Variants in ANO6 observed in about 807,000 individuals in gnomAD.
The protein encoded by ANO6 is anoctamin 6.
A neutral mutation model predicts 117.5 loss-of-function variants in ANO6; 106 were observed. The observed-to-expected ratio is 0.90, with a 90% CI of 0.77 to 1.06. The LOEUF is 1.06. ANO6 is among the 50% of genes least tolerant of loss of function. The pLI is 0.00. For missense variants in ANO6, 955 were observed against 1,121.1 expected (o/e 0.85, Z 2.12); for synonymous variants, 367 against 385.1 (o/e 0.95, Z 0.55).
intron 1 of ANO6, among the ~76,000 whole-genome samples, chr12:45,234,283 C>T (rs1056491205): frequency 6.6e-6 from 1 of 152,148 alleles, no homozygotes; most frequent in Non-Finnish European, 1.5e-5. Flanking sequence ...GATTATTGCA[C>T]TGATGAGTTT....
In ANO6 at chr12:45,228,577, A is replaced by C. The variant is rs145079401; in HGVS notation, c.70+12186A>C. On this transcript the variant is annotated intron_variant, in intron 1 of 19. Coordinates refer to ENST00000320560, the MANE Select transcript of ANO6 (RefSeq NM_001025356.3). ...TTAGAATATCACAGGAGAACAGAGG[A>C]GGGAAGATTAATAGTGAGAATCTCG... Among the ~76,000 whole-genome samples the C allele has an allele frequency of 4.3e-3, 651 of 152,188 alleles. 5 individuals carry two copies. Among genetic ancestry groups the C allele is most frequent in the African/African-American group, 0.015 (618 of 41,530 alleles).
At chr12:45,407,763 C>T (rs1335761270) in intron 15 of ANO6, among the ~76,000 whole-genome samples, 3 of 152,150 alleles carry the variant, frequency 2.0e-5, no homozygotes, top group Non-Finnish European at 4.4e-5. Context: ...CGTGCTACAT[C>T]CGTTACCTAT....
intron 10 of ANO6, among the ~76,000 whole-genome samples, chr12:45,386,160 T>G (rs1204016855): frequency 6.6e-6 from 1 of 152,202 alleles, no homozygotes; most frequent in Non-Finnish European, 1.5e-5. Context: ...GGGCTCAGTA[T>G]TTTGTAAAAG....
intron 1 of ANO6, among the ~76,000 whole-genome samples, chr12:45,281,771 A>G (rs565870815): frequency 6.6e-6 from 1 of 152,370 alleles, no homozygotes; most frequent in Admixed American, 6.5e-5. Flanking sequence ...TCTGTTTGTT[A>G]TCTTAAATTT....
chr12:45,402,480 C>G (rs1004677546), intron 13 of ANO6, among the ~76,000 whole-genome samples: 1 of 152,194 alleles, frequency 6.6e-6, no homozygotes, highest in Non-Finnish European at 1.5e-5. Flanking sequence ...TGTTTCTTCT[C>G]TCTGGCTTGT....
intron 2 of ANO6, among the ~76,000 whole-genome samples, chr12:45,315,974 C>T (rs1940010223): frequency 1.3e-5 from 2 of 152,064 alleles, no homozygotes; most frequent in African/African-American, 4.8e-5. Context: ...TCCCTGGACT[C>T]ATAGTCTTCC....
intron 15 of ANO6, 42 bp downstream of exon 15, chr12:45,403,578 A>G: frequency 6.6e-7 from 1 of 1,516,398 alleles, no homozygotes; most frequent in African/African-American, 1.4e-5. Flanking sequence ...AGGACAAGGG[A>G]TAGAACAGCC....
intron 16 of ANO6, among the ~76,000 whole-genome samples, chr12:45,416,137 A>G (rs1943206529): frequency 1.3e-5 from 2 of 152,164 alleles, no homozygotes; most frequent in Non-Finnish European, 2.9e-5. Flanking sequence ...TTTATCACAT[A>G]TATTTCTGTG....
rs1943601411 is a variant in ANO6, at chr12:45,430,241, A to G, written c.*930A>G. 1.0e-6 allele frequency: 1 copy of G among 985,428 alleles called. No individual in the cohort carries two copies. Among genetic ancestry groups the G allele is most frequent in the Non-Finnish European group, 1.2e-6 (1 of 829,932 alleles). 61.0% of individuals were successfully genotyped at this position (985,428 alleles called of 1,614,324 possible). A position where few individuals can be genotyped will look rare whatever the true frequency, so the allele number is the denominator to read the frequency against. On this transcript the variant is annotated 3_prime_UTR_variant, in exon 20 of 20. Transcript: ENST00000320560. ...AAGATAAGCCCCTCAATTTTCTACC[A>G]GTTGACTTTTATTCATTAGATACAG...
At chr12:45,332,131 C>A (rs1370502642) in intron 3 of ANO6, among the ~76,000 whole-genome samples, 1 of 152,032 alleles carries the variant, frequency 6.6e-6, no homozygotes, top group Admixed American at 6.6e-5. Context: ...GGTTTATAAA[C>A]AACTCCCTGG....
chr12:45,325,841 C>T (rs959204838), intron 2 of ANO6, among the ~76,000 whole-genome samples: 4 of 152,040 alleles, frequency 2.6e-5, no homozygotes, highest in South Asian at 2.1e-4. Context: ...TGTGGGTTTA[C>T]GAAAAAGATT....
At chr12:45,387,820 C>G (rs1942338497) in intron 10 of ANO6, among the ~76,000 whole-genome samples, 1 of 152,026 alleles carries the variant, frequency 6.6e-6, no homozygotes, top group Non-Finnish European at 1.5e-5. Flanking sequence ...GTTGGATTTC[C>G]CCCATCCTGT....
At chr12:45,260,935 G>A (rs913726452) in intron 1 of ANO6, among the ~76,000 whole-genome samples, 2 of 151,970 alleles carry the variant, frequency 1.3e-5, no homozygotes, top group African/African-American at 4.8e-5. Flanking sequence ...CTGCAAGCAT[G>A]TGCCACCGCA....
chr12:45,325,602 A>G (rs1417052059), intron 2 of ANO6, among the ~76,000 whole-genome samples: 1 of 152,186 alleles, frequency 6.6e-6, no homozygotes, highest in Non-Finnish European at 1.5e-5. Context: ...AGAACAGTGC[A>G]AATGGATGAT....
intron 1 of ANO6, among the ~76,000 whole-genome samples, chr12:45,298,801 T>A (rs762960495): frequency 1.3e-5 from 2 of 152,206 alleles, no homozygotes; most frequent in Non-Finnish European, 2.9e-5. Flanking sequence ...GGTAATCTTG[T>A]TTGTCCTGTC....
intron 1 of ANO6, among the ~76,000 whole-genome samples, chr12:45,279,845 G>A (rs1938666420): frequency 6.6e-6 from 1 of 152,232 alleles, no homozygotes; most frequent in Non-Finnish European, 1.5e-5. Flanking sequence ...GCAGCCAGTT[G>A]AAGAAATGTG....
At chr12:45,423,688 C>T (rs572836385) in intron 19 of ANO6, among the ~76,000 whole-genome samples, 1 of 152,184 alleles carries the variant, frequency 6.6e-6, no homozygotes, top group Non-Finnish European at 1.5e-5. Flanking sequence ...TCAATCAATA[C>T]CAGTTCACTG....
chr12:45,284,846 A>ACAAAAGC (rs1938856311), intron 1 of ANO6, among the ~76,000 whole-genome samples: 1 of 152,248 alleles, frequency 6.6e-6, no homozygotes, highest in African/African-American at 2.4e-5. Flanking sequence ...CAGGCCTCAG[A>ACAAAAGC]TGAAACCACA....
At chr12:45,291,004 G>GT (rs1488430789) in intron 1 of ANO6, among the ~76,000 whole-genome samples, 1 of 152,114 alleles carries the variant, frequency 6.6e-6, no homozygotes, top group African/African-American at 2.4e-5. Context: ...GGCCCAACTG[G>GT]TTTTTGAAAA....
Sources: gnomAD v4.1 joint callset for allele counts (sites outside exome capture counted in the v4.1 genomes callset) on GRCh38, gnomAD v4.1.1 for gene constraint, MANE v1.5 for transcripts, NCBI Gene and HGNC (gene_info 2026-07-23, HGNC 2026-07-21) for gene names.